IARS1: variants seen among roughly 807,000 people sequenced by gnomAD.
IARS1 encodes the protein isoleucyl-tRNA synthetase 1.
A neutral mutation model predicts 168.2 loss-of-function variants in IARS1; 124 were observed. The observed-to-expected ratio is 0.74, with a 90% CI of 0.64 to 0.86. The LOEUF (loss-of-function observed/expected upper bound fraction) is 0.86. Among genes scored for constraint, IARS1 ranks in the 40% least tolerant of loss-of-function variants. The probability of loss-of-function intolerance (pLI) is 0.00; values close to 1 mark genes in which losing one functional copy is unlikely to be tolerated. For missense variants in IARS1, 1,452 were observed against 1,515.8 expected (o/e 0.96, Z 0.70); for synonymous variants, 532 against 529.4 (o/e 1.00, Z -0.07).
chr9:92,272,451 G>C (rs1833181823), intron 10 of IARS1, among the ~76,000 whole-genome samples: 1 of 152,226 alleles, frequency 6.6e-6, no homozygotes. Context: ...AATGCATCCA[G>C]AACCAGTGAT....
intron 16 of IARS1, 123 bp from the exon 17 acceptor site, chr9:92,263,178 G>T: frequency 1.5e-6 from 1 of 670,090 alleles, no homozygotes; most frequent in Non-Finnish European, 2.6e-6. Flanking sequence ...ATCACTTAAA[G>T]CAATGATTCT....
chr9:92,211,263 C>T (rs1327519378), intron 33 of IARS1, among the ~76,000 whole-genome samples: 1 of 152,086 alleles, frequency 6.6e-6, no homozygotes, highest in Non-Finnish European at 1.5e-5. Context: ...CACCAAGGCT[C>T]GAGTGAGCTT....
Position 92,245,013 on chromosome 9 carries a change from G to A in IARS1, c.2850C>T (p.Thr950=), listed in dbSNP as rs140590537. The A allele has an allele frequency of 6.2e-7, 1 of 1,614,160 alleles. No homozygotes were observed. The highest frequency in any genetic ancestry group is 1.7e-5 in the Admixed American group (1 of 60,018). The change falls in exon 27 of 34, where the codon ACC becomes ACT. Residue 950 remains threonine, a synonymous_variant. Coordinates refer to ENST00000443024, the MANE Select transcript of IARS1 (RefSeq NM_002161.6). ...LHDEDIRLMY[T]FDQATGGTAQ... ...CAGTCCCACCTGTGGCCTGATCAAA[G>A]GTGTACATGAGGCGGATGTCTTCAT... is the stretch of plus-strand genomic sequence containing the variant.
rs566707046 is a variant in IARS1 at position 92,213,095 on chromosome 9, C to A, written c.3707-2206G>T. On this transcript the variant is annotated intron_variant, in intron 33 of 33. Transcript: ENST00000443024. ...AGAGCTTTAGTATTTAACATCATGA[C>A]AGAAAATTTAAAAGTACGATATGCA... 4.6e-4 allele frequency among the ~76,000 whole-genome samples: 70 copies of A among 151,564 alleles called. 1 individual carries two copies. The highest frequency in any genetic ancestry group is 7.2e-4 in the Admixed American group (11 of 15,196).
chr9:92,277,564 G>A (rs992524550), intron 9 of IARS1, among the ~76,000 whole-genome samples: 3 of 151,910 alleles, frequency 2.0e-5, no homozygotes, highest in African/African-American at 7.3e-5. Flanking sequence ...AGTAGTCCCA[G>A]CTACTCGGGA....
intron 31 of IARS1, among the ~76,000 whole-genome samples, 158 bp from the exon 32 acceptor site, chr9:92,223,647 C>T (rs1012722908): frequency 6.6e-6 from 1 of 152,186 alleles, no homozygotes. Context: ...TAAAACCAGC[C>T]TTTAATGACA....
rs867348378 is a variant in IARS1 at position 92,287,001 on chromosome 9, A to G, written c.397-383T>C. On this transcript the variant is annotated intron_variant, in intron 4 of 33. Coordinates refer to ENST00000443024, the MANE Select transcript of IARS1 (RefSeq NM_002161.6). ...CCCCACAAGATACTTATTAATTACA[A>G]AGGAAAAACTACAACTTTACAAAGC... is the stretch of plus-strand genomic sequence containing the variant. 2.6e-5 allele frequency among the ~76,000 whole-genome samples: 4 copies of G among 152,364 alleles called. No individual in the cohort carries two copies. The South Asian group carries it at 8.3e-4, about 32-fold the overall frequency.
intron 17 of IARS1, among the ~76,000 whole-genome samples, chr9:92,260,888 G>A (rs1209542118): frequency 6.6e-6 from 1 of 152,146 alleles, no homozygotes; most frequent in Non-Finnish European, 1.5e-5. Context: ...CAACCCAGAT[G>A]TCCTTCAAGA....
At chr9:92,230,366 G>A (rs1475968912) in intron 30 of IARS1, among the ~76,000 whole-genome samples, 1 of 152,084 alleles carries the variant, frequency 6.6e-6, no homozygotes, top group Non-Finnish European at 1.5e-5. Flanking sequence ...GCCTGCCTCG[G>A]CTTCCCAAAG....
At chr9:92,229,251 C>T in intron 30 of IARS1, 125 bp from the exon 31 acceptor site, 8 of 796,902 alleles carry the variant, frequency 1.0e-5, no homozygotes, top group Non-Finnish European at 1.6e-5. Context: ...CCCAACTATA[C>T]ACTATATATA....
chr9:92,255,319 C>T (rs1478859720), intron 20 of IARS1, among the ~76,000 whole-genome samples: 1 of 152,192 alleles, frequency 6.6e-6, no homozygotes, highest in Non-Finnish European at 1.5e-5. Context: ...TGCTCCTGCC[C>T]AACAGCAGCA....
intron 20 of IARS1, among the ~76,000 whole-genome samples, chr9:92,255,502 T>C (rs1277062841): frequency 1.3e-5 from 2 of 152,198 alleles, no homozygotes; most frequent in East Asian, 3.8e-4. Flanking sequence ...AATGTACTTT[T>C]TGAATCTCTG....
At chr9:92,277,761 G>T in intron 9 of IARS1, 102 bp downstream of exon 9, 1 of 875,082 alleles carries the variant, frequency 1.1e-6, no homozygotes, top group South Asian at 1.7e-5. Context: ...TCTGGATTCA[G>T]GTACACTCAT....
In IARS1 at chr9:92,258,917, A is replaced by C. The variant is rs79845272; in HGVS notation, c.1953T>G (p.Asp651Glu). The C allele has an allele frequency of 1.2e-6, 2 of 1,613,856 alleles. No individual in the cohort carries two copies. Among genetic ancestry groups the C allele is most frequent in the East Asian group, 2.2e-5 (1 of 44,882 alleles). Residue 651 changes from aspartate (D) to glutamate (E), a missense_variant, in exon 19 of 34, where the codon GAT becomes GAG. Asp to Glu is a conservative substitution (Grantham distance 45). Transcript: ENST00000443024. ...KEEGVRDVLK[D>E]VLLPWYNAYR... is the part of the protein sequence containing the mutation. ...AGGCATTGTACCATGGGAGCAGTAC[A>C]TCCTTAAGGACGTCCCGCACACCCT... is the stretch of plus-strand genomic sequence containing the variant.
intron 33 of IARS1, among the ~76,000 whole-genome samples, chr9:92,212,938 G>A (rs866671477): frequency 1.3e-5 from 2 of 152,076 alleles, no homozygotes; most frequent in African/African-American, 4.8e-5. Flanking sequence ...AGATAGCTCT[G>A]GTGAAGAGTA....
intron 33 of IARS1, among the ~76,000 whole-genome samples, chr9:92,215,165 G>A (rs1290714602): frequency 6.6e-6 from 1 of 152,198 alleles, no homozygotes; most frequent in East Asian, 1.9e-4. Context: ...GGGGCACACT[G>A]ATACCTCACA....
At chr9:92,211,974 A>G (rs528198698) in intron 33 of IARS1, among the ~76,000 whole-genome samples, 2 of 152,332 alleles carry the variant, frequency 1.3e-5, no homozygotes, top group African/African-American at 2.4e-5. Context: ...ATACAACTCA[A>G]AAACAAAAAA....
In IARS1 at chr9:92,245,047, T is replaced by A. The variant is rs1828984270; in HGVS notation, c.2816A>T (p.Glu939Val). The A allele has an allele frequency of 6.2e-7, 1 of 1,614,074 alleles. No homozygotes were observed. Among genetic ancestry groups the A allele is most frequent in the South Asian group, 1.1e-5 (1 of 91,092 alleles). The stretch of plus-strand genomic sequence containing the variant: ...GAGGCGGATGTCTTCATCGTGCAAT[T>A]CATGGCCTTCCACAACAATGGTCCC... ...KTGTIVVEGH[E>V]LHDEDIRLMY... The change falls in exon 27 of 34, where the codon GAA (glutamate) becomes GTA (valine). Residue 939 changes from glutamate (E) to valine (V), a missense_variant. Transcript: ENST00000443024.
chr9:92,236,533 G>GT lies in IARS1; in HGVS notation c.3283+4322dup, dbSNP rs202064309. 7.3e-4 allele frequency among the ~76,000 whole-genome samples: 111 copies of GT among 152,280 alleles called. 1 individual carries two copies. The East Asian group carries it at 0.013, about 17-fold the overall frequency. On this transcript the variant is annotated intron_variant, in intron 30 of 33. Transcript: ENST00000443024. ...GTTTGATATTGTGTGAGTTGTAGTAGTTTGTGTTTTTTAGAAACAGGGTTC... is the reference window on the plus strand; with the variant it reads ...GTTTGATATTGTGTGAGTTGTAGTAGTTTTGTGTTTTTTAGAAACAGGGTTC...
Sources: allele counts gnomAD v4.1 joint callset (sites outside exome capture counted in the v4.1 genomes callset), GRCh38; gene constraint gnomAD v4.1.1; transcripts MANE v1.5; gene names NCBI Gene and HGNC (gene_info 2026-07-23, HGNC 2026-07-21).